PRIM2: variants seen among roughly 807,000 people sequenced by gnomAD.
The protein encoded by PRIM2 is DNA primase large subunit.
Under a neutral mutation model 67.3 loss-of-function variants are expected in PRIM2, and 39 were observed. That is an observed-to-expected ratio of 0.58 (90% CI 0.45 to 0.76). The LOEUF (loss-of-function observed/expected upper bound fraction) is 0.76, where lower values mean the gene tolerates loss of function less well. Among genes scored for constraint, PRIM2 ranks in the 30% least tolerant of loss-of-function variants. The pLI is 0.00. For missense variants in PRIM2, 398 were observed against 598.7 expected (o/e 0.66, Z 3.50); for synonymous variants, 143 against 198.7 (o/e 0.72, Z 2.36).
At chr6:57,292,358 A>G in the PRIM2 span, among the ~76,000 whole-genome samples, 6 of 152,228 alleles carry the variant, frequency 3.9e-5, no homozygotes, top group Admixed American at 3.9e-4. Context: ...GACACAAACA[A>G]ATGGAAGAAC....
intron 7 of PRIM2, among the ~76,000 whole-genome samples, chr6:57,441,317 A>C (rs73750273): frequency 6.6e-6 from 1 of 152,218 alleles, no homozygotes; most frequent in African/African-American, 2.4e-5. Flanking sequence ...CTAGCTTTTT[A>C]GAGCTTACCA....
intron 5 of PRIM2, among the ~76,000 whole-genome samples, chr6:57,365,949 CAAAAAAAAAAAAA>C (rs5876544): frequency 6.4e-5 from 4 of 62,646 alleles, no homozygotes; most frequent in East Asian, 6.4e-4. Context: ...GACCATATCT[CAAAAAAAAAAAAA>C]AAAAAAAAAA....
chr6:57,439,291 C>A (rs1772116937), intron 7 of PRIM2, among the ~76,000 whole-genome samples: 1 of 151,008 alleles, frequency 6.6e-6, no homozygotes, highest in Admixed American at 6.6e-5. Flanking sequence ...CCTTGGAAAA[C>A]CTTTCTGTTT....
the PRIM2 span, among the ~76,000 whole-genome samples, chr6:57,249,621 A>C: frequency 6.6e-6 from 1 of 152,162 alleles, no homozygotes; most frequent in African/African-American, 2.4e-5. Context: ...GCGTGCCTGT[A>C]ATCCCAGCTA....
intron 10 of PRIM2, among the ~76,000 whole-genome samples, chr6:57,568,455 A>G (rs1288424058): frequency 1.3e-5 from 2 of 152,172 alleles, no homozygotes; most frequent in East Asian, 1.9e-4. Flanking sequence ...ATTTTATGGG[A>G]AAAACCCCTA....
At chr6:57,575,069 A>T (rs1487525993) in intron 10 of PRIM2, among the ~76,000 whole-genome samples, 4 of 152,126 alleles carry the variant, frequency 2.6e-5, no homozygotes, top group Admixed American at 1.3e-4. Flanking sequence ...ATACCCAACT[A>T]CCTGCTCTGT....
At chr6:57,550,983 A>G (rs1380722138) in intron 10 of PRIM2, among the ~76,000 whole-genome samples, 2 of 152,194 alleles carry the variant, frequency 1.3e-5, no homozygotes, top group African/African-American at 4.8e-5. Flanking sequence ...GGCTTTCTTT[A>G]ACAACCTGTT....
Position 57,474,173 on chromosome 6 carries a change from C to CTTTTTTTT in PRIM2, c.694-33191_694-33184dup, listed in dbSNP as rs1158188964. Reference sequence around the variant, plus strand: ...TCTACTTTTTCTGCAATTCTGCTATCTTTTTTTTTTTTTTTTTTTTTTTTT... The same window carrying CTTTTTTTT: ...TCTACTTTTTCTGCAATTCTGCTATCTTTTTTTTTTTTTTTTTTTTTTTTTTTTTTTTT... On this transcript the variant is annotated intron_variant, in intron 7 of 13. Transcript: ENST00000615550. Among the ~76,000 whole-genome samples, 20 of 63,972 alleles carry CTTTTTTTT rather than the reference C, an allele frequency of 3.1e-4. 3 individuals carry two copies. The highest frequency in any genetic ancestry group is 9.2e-4 in the African/African-American group (14 of 15,210). The allele number at this position is 63,972 out of a possible 152,430, so 42.0% of individuals were successfully genotyped here.
chr6:57,494,264 A>G, intron 7 of PRIM2, among the ~76,000 whole-genome samples: 1 of 152,296 alleles, frequency 6.6e-6, no homozygotes, highest in South Asian at 2.1e-4. Context: ...CGAAAGTGGC[A>G]GCTCATCATT....
intron 8 of PRIM2, among the ~76,000 whole-genome samples, chr6:57,509,228 GT>G (rs1290997521): frequency 2.0e-5 from 3 of 151,564 alleles, no homozygotes; most frequent in Non-Finnish European, 4.4e-5. Context: ...TTGTGTAATT[GT>G]TTTGTTGGGT....
intron 7 of PRIM2, among the ~76,000 whole-genome samples, chr6:57,503,034 G>T (rs1774171868): frequency 6.6e-6 from 1 of 152,146 alleles, no homozygotes; most frequent in South Asian, 2.1e-4. Context: ...CAGTGTCTAG[G>T]GCAGACTTTT....
At chr6:57,513,694 G>T (rs1774417842) in intron 8 of PRIM2, among the ~76,000 whole-genome samples, 1 of 152,118 alleles carries the variant, frequency 6.6e-6, no homozygotes. Context: ...AGGAGTTCAA[G>T]ACCAGCCTGT....
chr6:57,614,513 T>C (rs1272126962), intron 12 of PRIM2, among the ~76,000 whole-genome samples: 3 of 152,110 alleles, frequency 2.0e-5, no homozygotes, highest in Non-Finnish European at 4.4e-5. Context: ...ACAATCTATA[T>C]TGGTCATTTC....
At chr6:57,504,559 G>T (rs1344053738) in intron 7 of PRIM2, among the ~76,000 whole-genome samples, 4 of 152,234 alleles carry the variant, frequency 2.6e-5, no homozygotes, top group Non-Finnish European at 5.9e-5. Flanking sequence ...TATAAGTTAT[G>T]CCAAATTCTA....
intron 7 of PRIM2, among the ~76,000 whole-genome samples, chr6:57,490,351 G>A (rs1773860896): frequency 6.6e-6 from 1 of 152,078 alleles, no homozygotes; most frequent in Admixed American, 6.6e-5. Context: ...ACAGTACTAG[G>A]ACTTGTGTTT....
chr6:57,456,286 G>A (rs1427946541), intron 7 of PRIM2, among the ~76,000 whole-genome samples: 36 of 149,026 alleles, frequency 2.4e-4, no homozygotes, highest in Non-Finnish European at 2.8e-4. Context: ...TTCTCGAGGA[G>A]TATCTTTGTG....
chr6:57,265,759 T>C, the PRIM2 span, among the ~76,000 whole-genome samples: 6 of 152,202 alleles, frequency 3.9e-5, no homozygotes, highest in Admixed American at 3.3e-4. Context: ...TCTTAAAGGA[T>C]TTTCAATTTG....
At chr6:57,635,819 T>G (rs1777112475) in intron 13 of PRIM2, among the ~76,000 whole-genome samples, 1 of 152,218 alleles carries the variant, frequency 6.6e-6, no homozygotes, top group South Asian at 2.1e-4. Flanking sequence ...TTTCCCAGCA[T>G]CTACACATGC....
intron 7 of PRIM2, among the ~76,000 whole-genome samples, chr6:57,412,471 T>C (rs1376947962): frequency 1.3e-5 from 2 of 152,068 alleles, no homozygotes; most frequent in African/African-American, 2.4e-5. Flanking sequence ...AATTAAATTA[T>C]TGGGTCAGAG....
Sources: allele counts gnomAD v4.1 joint callset (sites outside exome capture counted in the v4.1 genomes callset), GRCh38; gene constraint gnomAD v4.1.1; transcripts MANE v1.5; gene names NCBI Gene and HGNC (gene_info 2026-07-23, HGNC 2026-07-21).